ST8SIA4: variants seen among roughly 807,000 people sequenced by gnomAD.
ST8SIA4 encodes CMP-N-acetylneuraminate-poly-alpha-2,8-sialyltransferase.
In ST8SIA4, 15 loss-of-function variants were observed where a neutral mutation model predicts 33.9. The ratio of observed to expected loss-of-function variants is 0.44; its 90% confidence interval spans 0.30 to 0.68. ST8SIA4 has a LOEUF of 0.68. Ranked by LOEUF, ST8SIA4 falls within the 30% of genes least tolerant of loss-of-function variation. ST8SIA4 has a pLI of 0.10. For synonymous variants in ST8SIA4, 171 were observed against 151.2 expected (o/e 1.13, Z -0.96); for missense variants, 321 against 428.0 (o/e 0.75, Z 2.21).
At chr5:100,862,383 A>T (rs1751965321) in intron 3 of ST8SIA4, among the ~76,000 whole-genome samples, 1 of 152,024 alleles carries the variant, frequency 6.6e-6, no homozygotes, top group African/African-American at 2.4e-5. Flanking sequence ...TTAAATTTTT[A>T]AAATATTTAT....
intron 4 of ST8SIA4, among the ~76,000 whole-genome samples, chr5:100,822,809 A>T (rs1010712886): frequency 1.2e-4 from 19 of 152,158 alleles, no homozygotes; most frequent in Non-Finnish European, 2.5e-4. Flanking sequence ...CAAGACACAG[A>T]TCATAAAGAC....
intron 4 of ST8SIA4, among the ~76,000 whole-genome samples, chr5:100,851,175 G>T (rs1324918644): frequency 1.3e-5 from 2 of 151,456 alleles, no homozygotes; most frequent in African/African-American, 4.8e-5. Context: ...TGGCCAGGCT[G>T]GTCTCAAACT....
intron 4 of ST8SIA4, 53 bp downstream of exon 4, chr5:100,856,050 G>T: frequency 6.6e-7 from 1 of 1,515,076 alleles, no homozygotes; most frequent in Non-Finnish European, 9.1e-7. Flanking sequence ...AAAATGTTTA[G>T]TTATATGTGT....
At chr5:100,812,655 C>T (rs1181416381) in intron 4 of ST8SIA4, among the ~76,000 whole-genome samples, 1 of 152,022 alleles carries the variant, frequency 6.6e-6, no homozygotes, top group Non-Finnish European at 1.5e-5. Flanking sequence ...TTTACTAAAG[C>T]AAATTAGAAG....
rs1751548401 is a variant in ST8SIA4 at position 100,845,441 on chromosome 5, A to C, written c.797+10662T>G. ...TATATAAGAAATCTCTGAATGCGTAATCGACCAGTCATCTTGACTTAAATT... is the reference window on the plus strand; with the variant it reads ...TATATAAGAAATCTCTGAATGCGTACTCGACCAGTCATCTTGACTTAAATT... On this transcript the variant is annotated intron_variant, in intron 4 of 4. Coordinates refer to ENST00000231461, the MANE Select transcript of ST8SIA4 (RefSeq NM_005668.6). 2.0e-5 allele frequency among the ~76,000 whole-genome samples: 3 copies of C among 151,792 alleles called. No homozygotes were observed. In the South Asian group the frequency reaches 6.2e-4, roughly 31 times the overall value.
At position 100,903,115 on chromosome 5, in the gene ST8SIA4, C is replaced by G. The variant is rs986521726; in HGVS notation, c.-160G>C. 4.9e-6 allele frequency: 3 copies of G among 606,102 alleles called. No homozygotes were observed. Among genetic ancestry groups the G allele is most frequent in the Admixed American group, 3.0e-5 (1 of 33,866 alleles). The allele number at this position is 606,102 out of a possible 1,614,324, so 37.5% of individuals were successfully genotyped here. A position where few individuals can be genotyped will look rare whatever the true frequency, so the allele number is the denominator to read the frequency against. On this transcript the variant is annotated 5_prime_UTR_variant, in exon 1 of 5. Coordinates refer to ENST00000231461, the MANE Select transcript of ST8SIA4 (RefSeq NM_005668.6). ...TCAGATCACTGGGGTCTTCTGTGGC[C>G]GAGCTCCCTCTGGTCCTCGAACGCT...
At chr5:100,878,185 A>ATT (rs761022861) in intron 3 of ST8SIA4, among the ~76,000 whole-genome samples, 15 of 147,836 alleles carry the variant, frequency 1.0e-4, no homozygotes, top group Non-Finnish European at 2.1e-4. Context: ...AGTGACAAAG[A>ATT]TTTTTTTTTT....
Position 100,812,139 on chromosome 5 carries a change from CAAAA to C in ST8SIA4, c.798-14_798-11del. ...GTTGGTCAGCCAGTAACTGGAAAAA[CAAAA>C]AACAAAATCAAGAAGAGAAGAATTT... On this transcript the variant is annotated splice_polypyrimidine_tract_variant and intron_variant, in intron 4 of 4. Transcript: ENST00000231461. 1 of 1,596,378 alleles carries C rather than the reference CAAAA, an allele frequency of 6.3e-7. No homozygotes were observed. The highest frequency in any genetic ancestry group is 8.5e-7 in the Non-Finnish European group (1 of 1,174,164).
intron 4 of ST8SIA4, among the ~76,000 whole-genome samples, chr5:100,842,371 A>T (rs1319021833): frequency 6.6e-6 from 1 of 151,844 alleles, no homozygotes; most frequent in East Asian, 1.9e-4. Flanking sequence ...TTATTAATGG[A>T]GACTTGCTGA....
chr5:100,877,634 G>C (rs1580477439), intron 3 of ST8SIA4, among the ~76,000 whole-genome samples: 1 of 152,058 alleles, frequency 6.6e-6, no homozygotes, highest in Non-Finnish European at 1.5e-5. Flanking sequence ...AATGTTAAGA[G>C]GTAGCACAAT....
chr5:100,821,445 A>T (rs562555409), intron 4 of ST8SIA4, among the ~76,000 whole-genome samples: 1 of 152,230 alleles, frequency 6.6e-6, no homozygotes, highest in Non-Finnish European at 1.5e-5. Flanking sequence ...TTCCCAATAA[A>T]AGTTAATTTT....
rs1042753073 is a variant in ST8SIA4, at chr5:100,849,245, A to G, written c.797+6858T>C. 4 of 985,110 alleles carry G rather than the reference A, an allele frequency of 4.1e-6. No homozygotes were observed. In the African/African-American group the frequency reaches 5.2e-5, roughly 13 times the overall value. The allele number at this position is 985,110 out of a possible 1,614,324, so 61.0% of individuals were successfully genotyped here. A position where few individuals can be genotyped will look rare whatever the true frequency, so the allele number is the denominator to read the frequency against. On this transcript the variant is annotated intron_variant, in intron 4 of 4. Coordinates refer to ENST00000231461, the MANE Select transcript of ST8SIA4 (RefSeq NM_005668.6). ...TGATTCTTAGAGCCCAAAGGAATCT[A>G]TACGATTATATACATTGGTACGTAT...
At chr5:100,872,510 T>C (rs1423363050) in intron 3 of ST8SIA4, among the ~76,000 whole-genome samples, 2 of 152,098 alleles carry the variant, frequency 1.3e-5, no homozygotes, top group Non-Finnish European at 2.9e-5. Flanking sequence ...AACCCTCAAG[T>C]ATCATGAGAG....
intron 3 of ST8SIA4, among the ~76,000 whole-genome samples, chr5:100,868,319 A>G (rs1752121729): frequency 6.6e-6 from 1 of 152,012 alleles, no homozygotes; most frequent in African/African-American, 2.4e-5. Context: ...ATTTTAAGAA[A>G]ATTTGTTGAA....
intron 2 of ST8SIA4, among the ~76,000 whole-genome samples, chr5:100,889,317 A>G (rs1304960719): frequency 6.6e-6 from 1 of 151,948 alleles, no homozygotes; most frequent in Non-Finnish European, 1.5e-5. Flanking sequence ...TAGAGACTAC[A>G]CGGATGTGGT....
rs143119843 is a variant in ST8SIA4 at position 100,836,995 on chromosome 5, A to AACACACACAC, written c.797+19098_797+19107dup. Among the ~76,000 whole-genome samples, 1,369 of 146,374 alleles carry AACACACACAC rather than the reference A, an allele frequency of 9.4e-3. 22 individuals are homozygous for AACACACACAC. Among genetic ancestry groups the AACACACACAC allele is most frequent in the African/African-American group, 0.031 (1,247 of 39,604 alleles). ...TAGGGAATTTTCTCATTAGTGCTAAAACACACACACACACACACACACACA... is the reference window on the plus strand; with the variant it reads ...TAGGGAATTTTCTCATTAGTGCTAAAACACACACACACACACACACACACACACACACACA... On this transcript the variant is annotated intron_variant, in intron 4 of 4. Coordinates refer to ENST00000231461, the MANE Select transcript of ST8SIA4 (RefSeq NM_005668.6).
At chr5:100,885,943 T>G (rs1752526119) in intron 3 of ST8SIA4, 1 of 825,284 alleles carries the variant, frequency 1.2e-6, no homozygotes, top group East Asian at 1.2e-4. Flanking sequence ...AAAGTAACAT[T>G]AACATAAATC....
intron 3 of ST8SIA4, among the ~76,000 whole-genome samples, chr5:100,856,964 T>G (rs1350053650): frequency 1.3e-5 from 2 of 152,138 alleles, no homozygotes; most frequent in East Asian, 3.8e-4. Context: ...TAGGTCTAAA[T>G]GGGGAAGAAA....
At chr5:100,855,491 A>T (rs987471399) in intron 4 of ST8SIA4, among the ~76,000 whole-genome samples, 1 of 152,234 alleles carries the variant, frequency 6.6e-6, no homozygotes, top group Admixed American at 6.5e-5. Context: ...TTACATACTT[A>T]TATGTGTGCA....
Sources: gnomAD v4.1 joint callset for allele counts (sites outside exome capture counted in the v4.1 genomes callset) on GRCh38, gnomAD v4.1.1 for gene constraint, MANE v1.5 for transcripts, NCBI Gene and HGNC (gene_info 2026-07-23, HGNC 2026-07-21) for gene names.